The following PPP1R12B variants were observed in gnomAD, a reference collection of about 807,000 sequenced individuals.
PPP1R12B encodes the protein protein phosphatase 1 regulatory subunit 12B, also known as myosin phosphatase target subunit 2.
PPP1R12B carries 76 observed loss-of-function variants against 126.1 expected under a neutral mutation model. The observed-to-expected ratio is 0.60, with a 90% CI of 0.50 to 0.73. The LOEUF (loss-of-function observed/expected upper bound fraction) is 0.73, where lower values mean the gene tolerates loss of function less well. PPP1R12B is among the 30% of genes least tolerant of loss of function. The probability of loss-of-function intolerance (pLI) is 0.00; values close to 1 mark genes in which losing one functional copy is unlikely to be tolerated. For missense variants in PPP1R12B, 1,052 were observed against 1,205.1 expected (o/e 0.87, Z 1.88); for synonymous variants, 356 against 434.7 (o/e 0.82, Z 2.25).
intron 13 of PPP1R12B, among the ~76,000 whole-genome samples, chr1:202,478,438 A>T (rs1223342514): frequency 6.6e-6 from 1 of 152,228 alleles, no homozygotes; most frequent in South Asian, 2.1e-4. Context: ...CCCATCTGAG[A>T]TAAAGAAAAA....
Position 202,414,289 on chromosome 1 carries a change from A to G in PPP1R12B, c.292-2498A>G, listed in dbSNP as rs544311060. On this transcript the variant is annotated intron_variant, in intron 1 of 23. Transcript: ENST00000608999. ...ACATGAGTTTCTTAAATGTTCATGC[A>G]GTGTGGAAACTGAAACCATGTCAAT... 7.2e-5 allele frequency among the ~76,000 whole-genome samples: 11 copies of G among 152,362 alleles called. 1 individual carries two copies. Among genetic ancestry groups the G allele is most frequent in the African/African-American group, 2.6e-4 (11 of 41,598 alleles).
At chr1:202,548,484 C>T (rs1685883676) in intron 18 of PPP1R12B, among the ~76,000 whole-genome samples, 1 of 151,998 alleles carries the variant, frequency 6.6e-6, no homozygotes, top group Non-Finnish European at 1.5e-5. Flanking sequence ...CCTCAGCCTC[C>T]CTAATAGCTG....
chr1:202,516,129 T>C (rs1290392442), intron 18 of PPP1R12B, among the ~76,000 whole-genome samples: 1 of 152,188 alleles, frequency 6.6e-6, no homozygotes, highest in Admixed American at 6.5e-5. Flanking sequence ...ACATACAAAG[T>C]GTACAGAACA....
At chr1:202,482,656 T>C (rs1169562181) in intron 13 of PPP1R12B, among the ~76,000 whole-genome samples, 4 of 152,228 alleles carry the variant, frequency 2.6e-5, no homozygotes, top group African/African-American at 4.8e-5. Flanking sequence ...TTGTCAGATG[T>C]ATAGTTTGCA....
At chr1:202,511,393 A>G (rs886557445) in intron 18 of PPP1R12B, among the ~76,000 whole-genome samples, 2 of 151,390 alleles carry the variant, frequency 1.3e-5, no homozygotes, top group African/African-American at 2.4e-5. Flanking sequence ...ATTTTTTTGT[A>G]TTTTTAGTAG....
At chr1:202,557,145 G>A (rs1448122666) in intron 18 of PPP1R12B, among the ~76,000 whole-genome samples, 16 of 152,020 alleles carry the variant, frequency 1.1e-4, no homozygotes, top group Non-Finnish European at 1.9e-4. Context: ...CCACCACCAT[G>A]CCCAGCTAAC....
chr1:202,389,658 G>C (rs560548491), intron 1 of PPP1R12B, among the ~76,000 whole-genome samples: 1 of 151,904 alleles, frequency 6.6e-6, no homozygotes, highest in Non-Finnish European at 1.5e-5. Flanking sequence ...CACATGGAAG[G>C]CCGGGCGAGG....
intron 1 of PPP1R12B, among the ~76,000 whole-genome samples, chr1:202,408,409 T>G (rs2204670): frequency 0.43 from 66,008 of 152,012 alleles, 15,686 homozygotes; most frequent in East Asian, 0.71. Context: ...AAAGTCATAT[T>G]ATAAATTTAT....
chr1:202,529,653 G>T (rs1683722260), intron 18 of PPP1R12B, among the ~76,000 whole-genome samples: 1 of 152,072 alleles, frequency 6.6e-6, no homozygotes, highest in African/African-American at 2.4e-5. Flanking sequence ...TAAGTTATAG[G>T]TTACATTTTC....
intron 13 of PPP1R12B, among the ~76,000 whole-genome samples, chr1:202,481,351 C>T (rs181105361): frequency 1.2e-4 from 19 of 152,294 alleles, no homozygotes; most frequent in African/African-American, 2.2e-4. Flanking sequence ...CAATACTCCT[C>T]GCTTTTCCAA....
In PPP1R12B at chr1:202,419,393, CTGTT is replaced by C. The variant is rs1212098096; in HGVS notation, c.422+2480_422+2483del. 6.6e-6 allele frequency among the ~76,000 whole-genome samples: 1 copy of C among 152,136 alleles called. No individual in the cohort carries two copies. Among genetic ancestry groups the C allele is most frequent in the African/African-American group, 2.4e-5 (1 of 41,440 alleles). On this transcript the variant is annotated intron_variant, in intron 2 of 23. Transcript: ENST00000608999. The surrounding 1 kb of genome is among the most constrained non-coding windows in gnomAD (Gnocchi z 4.6). Reference sequence around the variant, plus strand: ...AGGGGCATATTTATTGAGCTAGTGGCTGTTTGTGAGCCTTTGGGCAACTGTAAGG... The same window carrying C: ...AGGGGCATATTTATTGAGCTAGTGGCTGTGAGCCTTTGGGCAACTGTAAGG...
intron 10 of PPP1R12B, chr1:202,439,965 A>G (rs1253038678): frequency 5.6e-4 from 93 of 165,500 alleles, no homozygotes; most frequent in African/African-American, 2.0e-3. Flanking sequence ...AAAATTCAGT[A>G]TGGCCTAAGA....
chr1:202,570,954 A>G (rs145720790), intron 23 of PPP1R12B, among the ~76,000 whole-genome samples: 2 of 152,290 alleles, frequency 1.3e-5, no homozygotes, highest in African/African-American at 4.8e-5. Context: ...CTTATTAAGA[A>G]ATGTCCTAAA....
At chr1:202,533,737 C>T (rs140063604) in intron 18 of PPP1R12B, among the ~76,000 whole-genome samples, 353 of 152,202 alleles carry the variant, frequency 2.3e-3, no homozygotes, top group Non-Finnish European at 3.0e-3. Flanking sequence ...GTCATAGAAG[C>T]GATACTGTAC....
At chr1:202,425,414 C>T (rs1467119349) in intron 3 of PPP1R12B, 152 bp from the exon 4 acceptor site, 8 of 798,360 alleles carry the variant, frequency 1.0e-5, no homozygotes, top group Non-Finnish European at 1.6e-5. Context: ...GTACAAATGC[C>T]ATTGATCTTC....
chr1:202,471,781 A>T, intron 13 of PPP1R12B: 1 of 1,126,748 alleles, frequency 8.9e-7, no homozygotes. Flanking sequence ...TTCTTTTTTA[A>T]AAAATGGGTA....
chr1:202,439,264 G>A lies in PPP1R12B; in HGVS notation c.1458+1240G>A, dbSNP rs551008385. On this transcript the variant is annotated intron_variant, in intron 10 of 23. Transcript: ENST00000608999. ...GACAATATCAAGGCTGTCCTCCACA[G>A]AGGCAAGATACTGGCCCAGCAGGGT... 1.1e-4 allele frequency: 147 copies of A among 1,397,364 alleles called. No homozygotes were observed. In the African/African-American group the frequency reaches 1.5e-3, roughly 14 times the overall value. 86.6% of individuals were successfully genotyped at this position (1,397,364 alleles called of 1,614,324 possible).
In PPP1R12B at chr1:202,425,573, T is replaced by C; in HGVS notation, c.549T>C (p.Asp183=). 1 of 1,613,900 alleles carries C rather than the reference T, an allele frequency of 6.2e-7. No individual in the cohort carries two copies. The highest frequency in any genetic ancestry group is 8.5e-7 in the Non-Finnish European group (1 of 1,179,828). Reference sequence around the variant, plus strand: ...GGTATCTGGTTTCTGTAGGAGTTGATCTAGAGCAGTCAAGAAAAGAAGAAG... The same window carrying C: ...GGTATCTGGTTTCTGTAGGAGTTGACCTAGAGCAGTCAAGAAAAGAAGAAG... ...LLEQVKKQGV[D]LEQSRKEEEQ... Residue 183 remains aspartate (D), a synonymous_variant, in exon 4 of 24, where the codon GAT becomes GAC. Transcript: ENST00000608999.
chr1:202,350,501 C>T (rs953460082), intron 1 of PPP1R12B, among the ~76,000 whole-genome samples: 1 of 152,210 alleles, frequency 6.6e-6, no homozygotes, highest in Non-Finnish European at 1.5e-5. Context: ...ACAGAGATCT[C>T]TATCTCACTT....
Sources: gnomAD v4.1 joint callset for allele counts (sites outside exome capture counted in the v4.1 genomes callset) on GRCh38, gnomAD v4.1.1 for gene constraint, Gnocchi (gnomAD v3.1) non-coding constraint, MANE v1.5 for transcripts, NCBI Gene and HGNC (gene_info 2026-07-23, HGNC 2026-07-21) for gene names.